ZNF214: variants seen among roughly 807,000 people sequenced by gnomAD.
ZNF214 encodes the protein zinc finger protein 214, also known as BWSCR2-associated zinc finger protein 1.
ZNF214 carries 43 observed loss-of-function variants against 53.9 expected under a neutral mutation model. The ratio of observed to expected loss-of-function variants is 0.80; its 90% CI spans 0.63 to 1.03. The LOEUF is 1.03. Ranked by LOEUF, ZNF214 falls within the 50% of genes least tolerant of loss-of-function variation. The pLI is 0.00. For synonymous variants in ZNF214, 217 were observed against 229.5 expected, an observed-to-expected ratio of 0.95 and a Z score of 0.49; for missense variants, 724 against 719.1, an observed-to-expected ratio of 1.01 and a Z score of -0.08.
Position 7,000,284 on chromosome 11 carries a change from C to T in ZNF214, c.1399G>A (p.Glu467Lys). ...LRIHQRVHTG[E>K]KPYTCPECGK... ...CATTCAGGACAAGTATAGGGTTTCT[C>T]CCCTGTATGGACTCTCTGATGAATG... Residue 467 changes from glutamate to lysine, a missense_variant, in exon 3 of 3, where the codon GAG becomes AAG. By Grantham distance (56) the Glu-to-Lys change is moderately conservative (BLOSUM62 1). Transcript: ENST00000278314. 6.2e-7 allele frequency: 1 copy of T among 1,613,294 alleles called. No individual in the cohort carries two copies. Among genetic ancestry groups the T allele is most frequent in the Non-Finnish European group, 8.5e-7 (1 of 1,179,578 alleles).
intron 1 of ZNF214, among the ~76,000 whole-genome samples, chr11:7,017,510 G>T (rs1459841018): frequency 1.3e-5 from 2 of 152,020 alleles, no homozygotes; most frequent in East Asian, 3.9e-4. Flanking sequence ...TCCAAGGTGG[G>T]CAGATTGCCT....
intron 1 of ZNF214, among the ~76,000 whole-genome samples, chr11:7,009,787 A>G (rs1292240378): frequency 6.6e-6 from 1 of 151,888 alleles, no homozygotes; most frequent in African/African-American, 2.4e-5. Flanking sequence ...TCAAAAGAAG[A>G]CATACATGCA....
chr11:6,998,904 C>T lies in ZNF214; in HGVS notation c.*958G>A, dbSNP rs2638088. ...CAATAATTAAGACTGTGTATTCCGA[C>T]TAACTCTATTCTGAGATAATGGCCA... On this transcript the variant is annotated 3_prime_UTR_variant, in exon 3 of 3. Coordinates refer to ENST00000278314, the MANE Select transcript of ZNF214 (RefSeq NM_013249.4). Among the ~76,000 whole-genome samples, 146,300 of 152,040 alleles carry T rather than the reference C, an allele frequency of 0.96. 70,652 individuals carry two copies. Among genetic ancestry groups the T allele is most frequent in the East Asian group, 1 (5,174 of 5,174 alleles).
intron 1 of ZNF214, among the ~76,000 whole-genome samples, chr11:7,003,879 A>G (rs1851415951): frequency 6.6e-6 from 1 of 151,924 alleles, no homozygotes; most frequent in African/African-American, 2.4e-5. Flanking sequence ...ACCTAGTGGT[A>G]TATTTTTAAT....
In ZNF214 at chr11:7,002,748, C is replaced by A. The variant is rs753571893; in HGVS notation, c.88G>T (p.Glu30Ter). Residue 30 changes from glutamate to a stop codon, truncating the protein, a stop_gained, in exon 2 of 3, where the codon GAG becomes TAG. Coordinates refer to ENST00000278314, the MANE Select transcript of ZNF214 (RefSeq NM_013249.4). LOFTEE classifies it high-confidence loss of function. ...TTTGTGTAGTTCTCCCACATGACCT[C>A]CCTGTAGAGTCTTTTTTGAGAAGAA... is the stretch of plus-strand genomic sequence containing the variant. ...LDSSQKRLYR[E>*]VMWENYTNVM... is the part of the protein sequence containing the mutation. 3 of 1,609,272 alleles carry A rather than the reference C, an allele frequency of 1.9e-6. No individual in the cohort carries two copies. The South Asian group carries it at 3.3e-5, about 18-fold the overall frequency.
rs374992970 is a variant in ZNF214 at position 7,000,503 on chromosome 11, C to G, written c.1180G>C (p.Gly394Arg). ...KPYKCDECGK[G>R]FSQSSNLRIH... ...CGAAGATTTGAGCTCTGGCTGAAAC[C>G]CTTACCACACTCATCACACTTATAT... Residue 394 changes from glycine (G) to arginine (R), a missense_variant, in exon 3 of 3, where the codon GGT becomes CGT. By Grantham distance (125) the Gly-to-Arg change is moderately radical. Transcript: ENST00000278314. The G allele has an allele frequency of 6.8e-6, 11 of 1,612,730 alleles. No homozygotes were observed. The highest frequency in any genetic ancestry group is 9.3e-6 in the Non-Finnish European group (11 of 1,179,288).
chr11:7,003,615 C>T, intron 1 of ZNF214, among the ~76,000 whole-genome samples: 1 of 151,910 alleles, frequency 6.6e-6, no homozygotes, highest in East Asian at 1.9e-4. Context: ...AAACCCAGCA[C>T]TACCTATTAA....
chr11:7,000,945 G>T lies in ZNF214; in HGVS notation c.738C>A (p.Leu246=). 1 of 1,613,000 alleles carries T rather than the reference G, an allele frequency of 6.2e-7. No individual in the cohort carries two copies. Among genetic ancestry groups the T allele is most frequent in the Admixed American group, 1.7e-5 (1 of 59,890 alleles). ...FHKRNQPGEN[L]CQCSICKACF... is the part of the protein sequence containing the mutation. The stretch of plus-strand genomic sequence containing the variant: ...ATGCTTTACAGATGGAGCATTGACA[G>T]AGGTTTTCTCCAGGTTGATTTCTCT... The change falls in exon 3 of 3, where the codon CTC becomes CTA. Residue 246 remains leucine, a synonymous_variant. Transcript: ENST00000278314.
At position 6,997,548 on chromosome 11, in the gene ZNF214, CT is replaced by C. The variant is rs1267460644; in HGVS notation, c.*2313del. Among the ~76,000 whole-genome samples, 2 of 140,874 alleles carry C rather than the reference CT, an allele frequency of 1.4e-5. No homozygotes were observed. The highest frequency in any genetic ancestry group is 3.1e-5 in the Non-Finnish European group (2 of 65,400). 92.4% of individuals were successfully genotyped at this position (140,874 alleles called of 152,430 possible). A position where few individuals can be genotyped will look rare whatever the true frequency, so the allele number is the denominator to read the frequency against. The stretch of plus-strand genomic sequence containing the variant: ...TCTCCCATTTTGAAAGGTATATGCA[CT>C]TTTTTTAGTTTTATTAAGTTGTAAT... On this transcript the variant is annotated 3_prime_UTR_variant, in exon 3 of 3. Transcript: ENST00000278314.
At chr11:7,015,277 G>A (rs1040309136) in intron 1 of ZNF214, among the ~76,000 whole-genome samples, 1 of 152,000 alleles carries the variant, frequency 6.6e-6, no homozygotes, top group Admixed American at 6.6e-5. Flanking sequence ...AGAATTTTGA[G>A]TGCTAAAAAT....
chr11:7,014,811 AAAAAAAAAC>A (rs1215715510), intron 1 of ZNF214, among the ~76,000 whole-genome samples: 3 of 147,990 alleles, frequency 2.0e-5, no homozygotes, highest in African/African-American at 7.4e-5. Context: ...TAACAAAAAA[AAAAAAAAAC>A]AAAAAAAAAA....
chr11:7,004,305 C>A (rs1851425444), intron 1 of ZNF214, among the ~76,000 whole-genome samples: 1 of 152,082 alleles, frequency 6.6e-6, no homozygotes. Context: ...CATGTATACA[C>A]AACACACATT....
rs573285439 is a variant in ZNF214, at chr11:7,000,921, T to G, written c.762A>C (p.Ala254=). The change falls in exon 3 of 3, where the codon GCA becomes GCC. Residue 254 remains alanine, a synonymous_variant. Coordinates refer to ENST00000278314, the MANE Select transcript of ZNF214 (RefSeq NM_013249.4). ...ENLCQCSICK[A]CFSQRSDLYR... is the part of the protein sequence containing the mutation. ...ACAAGTCTGATCTCTGAGAGAAGCA[T>G]GCTTTACAGATGGAGCATTGACAGA... The G allele has an allele frequency of 6.2e-7, 1 of 1,613,278 alleles. No homozygotes were observed. Among genetic ancestry groups the G allele is most frequent in the African/African-American group, 1.3e-5 (1 of 74,988 alleles).
chr11:7,000,221 G>T lies in ZNF214; in HGVS notation c.1462C>A (p.His488Asn). 1 of 1,613,310 alleles carries T rather than the reference G, an allele frequency of 6.2e-7. No homozygotes were observed. The highest frequency in any genetic ancestry group is 1.3e-5 in the African/African-American group (1 of 74,956). The change falls in exon 3 of 3, where the codon CAT (histidine) becomes AAT (asparagine). Residue 488 changes from histidine to asparagine, a missense_variant. Physicochemically the swap from His to Asn is moderately conservative, Grantham distance 68. Transcript: ENST00000278314. ...TTCTCTCCAGTATGTACTCTTTGAT[G>T]AGTGTGAAGCTTTGAACTCTTACTG... The part of the protein sequence containing the change: ...GFSKSSKLHT[H>N]QRVHTGEKPY...
rs772826604 is a variant in ZNF214, at chr11:7,000,943, CAG to C, written c.738_739del (p.Cys247SerfsTer6). 2.5e-6 allele frequency: 4 copies of C among 1,612,908 alleles called. No individual in the cohort carries two copies. Among genetic ancestry groups the C allele is most frequent in the East Asian group, 4.5e-5 (2 of 44,860 alleles). ...GCATGCTTTACAGATGGAGCATTGA[CAG>C]AGGTTTTCTCCAGGTTGATTTCTCT... On this transcript the variant is annotated frameshift_variant, in exon 3 of 3. Coordinates refer to ENST00000278314, the MANE Select transcript of ZNF214 (RefSeq NM_013249.4). LOFTEE classifies it high-confidence loss of function.
chr11:7,004,378 T>C (rs1322962105), intron 1 of ZNF214, among the ~76,000 whole-genome samples: 1 of 116,336 alleles, frequency 8.6e-6, no homozygotes, highest in Non-Finnish European at 1.9e-5. Flanking sequence ...CTTTTTTTCA[T>C]TTAATACATA....
chr11:7,012,382 T>C (rs1851625608), intron 1 of ZNF214, among the ~76,000 whole-genome samples: 1 of 151,956 alleles, frequency 6.6e-6, no homozygotes, highest in Admixed American at 6.6e-5. Context: ...GTTAAGTATA[T>C]AGATCAAGTA....
At chr11:7,015,394 A>G (rs528411777) in intron 1 of ZNF214, among the ~76,000 whole-genome samples, 2 of 152,286 alleles carry the variant, frequency 1.3e-5, no homozygotes, top group South Asian at 2.1e-4. Flanking sequence ...CCTGGCCAAC[A>G]TGGTGAAACC....
chr11:7,013,835 A>G (rs1308167877), intron 1 of ZNF214, among the ~76,000 whole-genome samples: 2 of 152,254 alleles, frequency 1.3e-5, no homozygotes, highest in African/African-American at 4.8e-5. Flanking sequence ...TTATTCCAGA[A>G]AGAAAAGGAA....
Sources: gnomAD v4.1 joint callset for allele counts (sites outside exome capture counted in the v4.1 genomes callset) on GRCh38, gnomAD v4.1.1 for gene constraint, MANE v1.5 for transcripts, NCBI Gene and HGNC (gene_info 2026-07-23, HGNC 2026-07-21) for gene names.